ETV5: variants seen among roughly 807,000 people sequenced by gnomAD.
ETV5 encodes ETS translocation variant 5.
In ETV5, 10 loss-of-function variants were observed where a neutral mutation model predicts 70.0. The ratio of observed to expected loss-of-function variants is 0.14; its 90% CI spans 0.09 to 0.24. The LOEUF is 0.24. ETV5 is among the 10% of genes least tolerant of loss of function. The pLI is 1.00. For missense variants in ETV5, 453 were observed against 651.2 expected (o/e 0.70, Z 3.31); for synonymous variants, 216 against 242.2 (o/e 0.89, Z 1.01).
At chr3:186,075,811 T>G (rs1170531377) in intron 7 of ETV5, among the ~76,000 whole-genome samples, 1 of 152,246 alleles carries the variant, frequency 6.6e-6, no homozygotes, top group Admixed American at 6.5e-5. Flanking sequence ...TGTTGCTGCT[T>G]CTTGGGTTTT....
At chr3:186,073,946 GC>G (rs1713707981) in intron 7 of ETV5, among the ~76,000 whole-genome samples, 1 of 152,074 alleles carries the variant, frequency 6.6e-6, no homozygotes, top group African/African-American at 2.4e-5. Flanking sequence ...AAATTAGTGA[GC>G]TAATCATACA....
At chr3:186,067,869 A>G (rs765518303) in intron 7 of ETV5, among the ~76,000 whole-genome samples, 8 of 152,224 alleles carry the variant, frequency 5.3e-5, no homozygotes, top group Non-Finnish European at 1.2e-4. Flanking sequence ...ACTGAGGAAA[A>G]ATCTCCACAG....
intron 5 of ETV5, among the ~76,000 whole-genome samples, chr3:186,090,597 T>C (rs1714158912): frequency 6.6e-6 from 1 of 152,220 alleles, no homozygotes; most frequent in African/African-American, 2.4e-5. Context: ...TGAATTTATA[T>C]GTAAAACACG....
intron 5 of ETV5, among the ~76,000 whole-genome samples, chr3:186,095,682 G>A (rs1270987120): frequency 1.3e-5 from 2 of 152,224 alleles, no homozygotes; most frequent in African/African-American, 4.8e-5. Context: ...GCTGCTCAAA[G>A]TCTAAATGCA....
intron 5 of ETV5, among the ~76,000 whole-genome samples, chr3:186,084,800 T>C (rs1714019309): frequency 6.6e-6 from 1 of 152,218 alleles, no homozygotes; most frequent in East Asian, 1.9e-4. Flanking sequence ...AAATGGGAGA[T>C]ACTCTACTCG....
intron 1 of ETV5, chr3:186,108,367 G>A (rs1714646540): frequency 3.4e-6 from 2 of 580,626 alleles, no homozygotes; most frequent in African/African-American, 1.9e-5. Flanking sequence ...GGTGGGAGCA[G>A]GGCGACTGGA....
At chr3:186,076,570 G>C (rs1182146020) in intron 7 of ETV5, 3 of 183,782 alleles carry the variant, frequency 1.6e-5, no homozygotes, top group African/African-American at 4.7e-5. Context: ...TGGGACTACA[G>C]GTGTGTGCCG....
intron 9 of ETV5, among the ~76,000 whole-genome samples, chr3:186,060,682 AT>A (rs1713282765): frequency 6.6e-6 from 1 of 152,232 alleles, no homozygotes. Context: ...ACAATTAAAA[AT>A]GCTGGATTCT....
At position 186,057,607 on chromosome 3, in the gene ETV5, C is replaced by T; in HGVS notation, c.971-116G>A. On this transcript the variant is annotated intron_variant, in intron 9 of 12. Coordinates refer to ENST00000306376, the MANE Select transcript of ETV5 (RefSeq NM_004454.3). This position sits in a 1 kb window ranked among gnomAD's most constrained non-coding sequence, Gnocchi z 4.9. ...TCATTTCAGATCCTAAGTCCTACTG[C>T]TGTATCTATGGCAGACTGAATTTTC... 1 of 890,178 alleles carries T rather than the reference C, an allele frequency of 1.1e-6. No individual in the cohort carries two copies. Among genetic ancestry groups the T allele is most frequent in the Non-Finnish European group, 1.9e-6 (1 of 539,768 alleles). 55.1% of individuals were successfully genotyped at this position (890,178 alleles called of 1,614,324 possible).
intron 5 of ETV5, among the ~76,000 whole-genome samples, chr3:186,100,887 T>C (rs77935200): frequency 0.037 from 5,705 of 152,276 alleles, 133 homozygotes; most frequent in African/African-American, 0.058. Flanking sequence ...CTGAAATTAA[T>C]AAGTGAGATT....
Position 186,105,804 on chromosome 3 carries a change from CA to C in ETV5, c.45+19del. The C allele has an allele frequency of 6.2e-7, 1 of 1,612,696 alleles. No homozygotes were observed. Among genetic ancestry groups the C allele is most frequent in the Non-Finnish European group, 8.5e-7 (1 of 1,178,748 alleles). On this transcript the variant is annotated intron_variant, in intron 2 of 12. Transcript: ENST00000306376. This position sits in a 1 kb window ranked among gnomAD's most constrained non-coding sequence, Gnocchi z 4.5. ...ATTGGAGAGGGAGGACAAAACAAACCAAAAGCCACATAAACTTACCCCTGGG... is the reference window on the plus strand; with the variant it reads ...ATTGGAGAGGGAGGACAAAACAAACCAAAGCCACATAAACTTACCCCTGGG...
chr3:186,050,403 T>A (rs76916860), intron 12 of ETV5, among the ~76,000 whole-genome samples: 5,781 of 152,166 alleles, frequency 0.038, 143 homozygotes, highest in Non-Finnish European at 0.054. Context: ...CTGGGTTGCA[T>A]CTCCCCATGC....
At chr3:186,071,950 AC>A (rs889747601) in intron 7 of ETV5, among the ~76,000 whole-genome samples, 1 of 151,584 alleles carries the variant, frequency 6.6e-6, no homozygotes, top group African/African-American at 2.4e-5. Flanking sequence ...GGTGCCTGCC[AC>A]CACACATGGC....
intron 7 of ETV5, among the ~76,000 whole-genome samples, chr3:186,075,979 G>A (rs1202842670): frequency 1.3e-5 from 2 of 152,150 alleles, no homozygotes; most frequent in Non-Finnish European, 2.9e-5. Flanking sequence ...AAATATATAC[G>A]GCCAGTACTA....
chr3:186,078,206 C>A, intron 7 of ETV5: 1 of 1,051,462 alleles, frequency 9.5e-7, no homozygotes, highest in Non-Finnish European at 1.1e-6. Context: ...CAGTATGTTA[C>A]ATAAGCCCCT....
At chr3:186,101,602 G>A (rs905524858) in intron 5 of ETV5, among the ~76,000 whole-genome samples, 1 of 152,224 alleles carries the variant, frequency 6.6e-6, no homozygotes, top group Non-Finnish European at 1.5e-5. Context: ...CCTCCCAGAT[G>A]CTTTCCTGAA....
chr3:186,078,144 A>G lies in ETV5; in HGVS notation c.650+1673T>C, dbSNP rs569270443. 95 of 1,051,238 alleles carry G rather than the reference A, an allele frequency of 9.0e-5. 1 individual carries two copies. The highest frequency in any genetic ancestry group is 8.4e-4 in the African/African-American group (51 of 60,380). The allele number at this position is 1,051,238 out of a possible 1,614,324, so 65.1% of individuals were successfully genotyped here. A position where few individuals can be genotyped will look rare whatever the true frequency, so the allele number is the denominator to read the frequency against. On this transcript the variant is annotated intron_variant, in intron 7 of 12. Coordinates refer to ENST00000306376, the MANE Select transcript of ETV5 (RefSeq NM_004454.3). ...TGAGACTGGGGCTACCCATCTCCCA[A>G]TTCTCCAGGAGAACTAGGATATTTG... is the stretch of plus-strand genomic sequence containing the variant.
chr3:186,064,441 C>T lies in ETV5; in HGVS notation c.946G>A (p.Gly316Ser). ...PNCQSSYMRG[G>S]YFSSSHEGFS... ...CCTTCATGGCTGCTGGAGAAATAAC[C>T]CCCTCTCATGTAGGATGACTGGCAG... The change falls in exon 9 of 13, where the codon GGT becomes AGT. Residue 316 changes from glycine (G) to serine (S), a missense_variant. Physicochemically the swap from Gly to Ser is moderately conservative, Grantham distance 56. This residue lies in a region of ETV5 where 307 missense variants were observed against 344.9 expected (regional missense o/e 0.89). Transcript: ENST00000306376. 1 of 1,614,114 alleles carries T rather than the reference C, an allele frequency of 6.2e-7. No individual in the cohort carries two copies. Among genetic ancestry groups the T allele is most frequent in the Non-Finnish European group, 8.5e-7 (1 of 1,180,008 alleles).
intron 11 of ETV5, among the ~76,000 whole-genome samples, chr3:186,055,371 G>GGA (rs1713132318): frequency 6.6e-6 from 1 of 152,192 alleles, no homozygotes; most frequent in Non-Finnish European, 1.5e-5. Flanking sequence ...AAAGCAGTGA[G>GGA]GAGAGGCATG....
Sources: gnomAD v4.1 joint callset for allele counts (sites outside exome capture counted in the v4.1 genomes callset) on GRCh38, gnomAD v4.1.1 for gene constraint, gnomAD v4.1.1 regional missense constraint, Gnocchi (gnomAD v3.1) non-coding constraint, MANE v1.5 for transcripts, NCBI Gene and HGNC (gene_info 2026-07-23, HGNC 2026-07-21) for gene names.